KLK5: variants seen among roughly 807,000 people sequenced by gnomAD.
KLK5 encodes the protein kallikrein-5.
KLK5 carries 18 observed loss-of-function variants against 24.0 expected under a neutral mutation model. The observed-to-expected ratio is 0.75, with a 90% CI of 0.52 to 1.11. KLK5 has a LOEUF of 1.11. Ranked by LOEUF, KLK5 falls within the 50% of genes most tolerant of loss-of-function variation. The pLI is 0.00. For missense variants in KLK5, 374 were observed against 379.2 expected (o/e 0.99, Z 0.11); for synonymous variants, 140 against 154.0 (o/e 0.91, Z 0.67).
intron 3 of KLK5, 31 bp from the exon 4 acceptor site, chr19:50,949,146 C>A (rs757274792): frequency 2.5e-6 from 4 of 1,600,380 alleles, no homozygotes; most frequent in Non-Finnish European, 3.4e-6. Context: ...CACCACCAAC[C>A]CTGATCTCTA....
chr19:50,945,758 T>A (rs1470017513), intron 5 of KLK5, among the ~76,000 whole-genome samples: 1 of 144,918 alleles, frequency 6.9e-6, no homozygotes, highest in Non-Finnish European at 1.5e-5. Flanking sequence ...GCCATTGCAC[T>A]CCAGCCTGGG....
Position 50,943,792 on chromosome 19 carries a change from G to A in KLK5, c.727-6C>T. 1.2e-6 allele frequency: 2 copies of A among 1,608,208 alleles called. No homozygotes were observed. Among genetic ancestry groups the A allele is most frequent in the Non-Finnish European group, 1.7e-6 (2 of 1,175,744 alleles). ...ACAGGCCCCCCAGAATCACCCTGCA[G>A]GAGAGAAAGGGGGGCATGAGAGAGG... is the stretch of plus-strand genomic sequence containing the variant. On this transcript the variant is annotated splice_polypyrimidine_tract_variant and splice_region_variant and intron_variant, in intron 5 of 5. Transcript: ENST00000336334.
At chr19:50,952,190 A>C in intron 2 of KLK5, among the ~76,000 whole-genome samples, 1 of 48,298 alleles carries the variant, frequency 2.1e-5, no homozygotes, top group Non-Finnish European at 3.8e-5. Flanking sequence ...GGAACTGCAG[A>C]TACCTGCAGT....
intron 5 of KLK5, among the ~76,000 whole-genome samples, chr19:50,946,774 T>A (rs190152576): frequency 6.6e-6 from 1 of 152,074 alleles, no homozygotes; most frequent in South Asian, 2.1e-4. Flanking sequence ...TCAGCCAGGA[T>A]GGTCTCCATC....
In KLK5 at chr19:50,947,451, A is replaced by G. The variant is rs1204510989; in HGVS notation, c.726+1189T>C. Among the ~76,000 whole-genome samples the G allele has an allele frequency of 6.6e-6, 1 of 152,074 alleles. No individual in the cohort carries two copies. The highest frequency in any genetic ancestry group is 1.5e-5 in the Non-Finnish European group (1 of 68,022). The stretch of plus-strand genomic sequence containing the variant: ...CCACCTCTCCAAGGAGGCTCCCCTG[A>G]CCACCTTTTTGAATATTGGCCCTTA... On this transcript the variant is annotated intron_variant, in intron 5 of 5. Transcript: ENST00000336334. The surrounding 1 kb of genome is among the most constrained non-coding windows in gnomAD (Gnocchi z 8.7).
intron 5 of KLK5, among the ~76,000 whole-genome samples, chr19:50,944,800 G>C (rs1242217619): frequency 6.6e-6 from 1 of 152,138 alleles, no homozygotes; most frequent in Admixed American, 6.6e-5. Flanking sequence ...GTGTCTTCTA[G>C]GGGCAGAATC....
chr19:50,950,848 C>T (rs189392681), intron 2 of KLK5, among the ~76,000 whole-genome samples: 27 of 149,484 alleles, frequency 1.8e-4, no homozygotes, highest in African/African-American at 5.7e-4. Flanking sequence ...GCCGAGATCA[C>T]GCCACTGCAC....
Position 50,949,848 on chromosome 19 carries a change from C to T in KLK5, c.335+7G>A, listed in dbSNP as rs757720356. 6.5e-7 allele frequency: 1 copy of T among 1,534,418 alleles called. No individual in the cohort carries two copies. The highest frequency in any genetic ancestry group is 1.8e-5 in the Admixed American group (1 of 57,016). On this transcript the variant is annotated splice_region_variant and intron_variant, in intron 3 of 5. Coordinates refer to ENST00000336334, the MANE Select transcript of KLK5 (RefSeq NM_012427.5). ...CCACCAACCCTCCTCTTGGAACTCC[C>T]ACTCACTTCTTCCTGCAGTGGGCGG...
rs988282244 is a variant in KLK5 at position 50,949,089 on chromosome 19, T to A, written c.362A>T (p.Tyr121Phe). ...AGATTCATAAACTGGTGACAGGGAGTAGTGGCCGAGACGGACTCTGAAAAC... is the reference window on the plus strand; with the variant it reads ...AGATTCATAAACTGGTGACAGGGAGAAGTGGCCGAGACGGACTCTGAAAAC... The part of the protein sequence containing the change: ...KKVFRVRLGH[Y>F]SLSPVYESGQ... Residue 121 changes from tyrosine (Y) to phenylalanine (F), a missense_variant, in exon 4 of 6, where the codon TAC becomes TTC. Coordinates refer to ENST00000336334, the MANE Select transcript of KLK5 (RefSeq NM_012427.5). 1 of 1,612,162 alleles carries A rather than the reference T, an allele frequency of 6.2e-7. No individual in the cohort carries two copies. The highest frequency in any genetic ancestry group is 1.7e-5 in the Admixed American group (1 of 59,832).
At chr19:50,950,283 G>A in intron 2 of KLK5, 167 bp from the exon 3 acceptor site, 1 of 655,804 alleles carries the variant, frequency 1.5e-6, no homozygotes, top group South Asian at 1.9e-5. Context: ...CCAGGCTCAA[G>A]CTCAAGGACA....
chr19:50,944,171 T>C (rs1013421273), intron 5 of KLK5, among the ~76,000 whole-genome samples: 8 of 152,028 alleles, frequency 5.3e-5, no homozygotes, highest in Admixed American at 2.0e-4. Flanking sequence ...ACCCGGCTAA[T>C]TTTTTGTATT....
At chr19:50,948,267 G>A (rs969407947) in intron 5 of KLK5, among the ~76,000 whole-genome samples, 27 of 151,832 alleles carry the variant, frequency 1.8e-4, no homozygotes, top group South Asian at 4.2e-4. Flanking sequence ...GATTACAGGC[G>A]CCCGCCACCA....
intron 5 of KLK5, among the ~76,000 whole-genome samples, chr19:50,946,855 G>A (rs113505134): frequency 0.015 from 2,330 of 152,130 alleles, 56 homozygotes; most frequent in African/African-American, 0.053. Context: ...CACCACGCCC[G>A]GCCGAGATGT....
At chr19:50,948,217 G>A (rs780048160) in intron 5 of KLK5, among the ~76,000 whole-genome samples, 7 of 151,870 alleles carry the variant, frequency 4.6e-5, no homozygotes, top group African/African-American at 1.2e-4. Context: ...CACCTCCTGG[G>A]TTTAAGTGAT....
At position 50,943,526 on chromosome 19, in the gene KLK5, G is replaced by A; in HGVS notation, c.*105C>T. The A allele has an allele frequency of 9.0e-7, 1 of 1,116,014 alleles. No homozygotes were observed. Among genetic ancestry groups the A allele is most frequent in the Admixed American group, 1.9e-5 (1 of 53,350 alleles). The allele number at this position is 1,116,014 out of a possible 1,614,324, so 69.1% of individuals were successfully genotyped here. On this transcript the variant is annotated 3_prime_UTR_variant, in exon 6 of 6. Coordinates refer to ENST00000336334, the MANE Select transcript of KLK5 (RefSeq NM_012427.5). ...GAGACATGGGGTCAGGGGCTGGAGAGATGAACATTCTCAACATCTCTGGGA... is the reference window on the plus strand; with the variant it reads ...GAGACATGGGGTCAGGGGCTGGAGAAATGAACATTCTCAACATCTCTGGGA...
rs117413246 is a variant in KLK5, at chr19:50,948,736, G to A, written c.630C>T (p.Ser210=). 824 of 1,614,084 alleles carry A rather than the reference G, an allele frequency of 5.1e-4. No homozygotes were observed. Among genetic ancestry groups the A allele is most frequent in the Non-Finnish European group, 6.6e-4 (779 of 1,180,030 alleles). ...FPKVLQCLNI[S]VLSQKRCEDA... ...CCTCGCACCTTTTCTGACTTAGCAC[G>A]CTGATATTCAAGCACTGGAGGACCT... is the stretch of plus-strand genomic sequence containing the variant. The change falls in exon 5 of 6, where the codon AGC becomes AGT. Residue 210 remains serine (S), a synonymous_variant. Transcript: ENST00000336334.
chr19:50,943,344 A>G lies in KLK5; in HGVS notation c.*287T>C. On this transcript the variant is annotated 3_prime_UTR_variant, in exon 6 of 6. Coordinates refer to ENST00000336334, the MANE Select transcript of KLK5 (RefSeq NM_012427.5). ...ATTTCTGGGACTAAATTTGGGTCAG[A>G]GCTGCAGAGAAGGGATGGGCCCTGA... 1 of 290,492 alleles carries G rather than the reference A, an allele frequency of 3.4e-6. No individual in the cohort carries two copies. Among genetic ancestry groups the G allele is most frequent in the Non-Finnish European group, 6.4e-6 (1 of 155,572 alleles). 18.0% of individuals were successfully genotyped at this position (290,492 alleles called of 1,614,324 possible). A position where few individuals can be genotyped will look rare whatever the true frequency, so the allele number is the denominator to read the frequency against.
At chr19:50,952,434 T>C in intron 2 of KLK5, 151 bp downstream of exon 2, 1 of 507,134 alleles carries the variant, frequency 2.0e-6, no homozygotes, top group Non-Finnish European at 3.4e-6. Context: ...CCACATACGA[T>C]CGCACAACCA....
Position 50,943,509 on chromosome 19 carries a change from G to C in KLK5, c.*122C>G, listed in dbSNP as rs1358222124. 5.4e-6 allele frequency: 5 copies of C among 926,096 alleles called. No homozygotes were observed. The highest frequency in any genetic ancestry group is 8.4e-6 in the Non-Finnish European group (5 of 593,560). 57.4% of individuals were successfully genotyped at this position (926,096 alleles called of 1,614,324 possible). On this transcript the variant is annotated 3_prime_UTR_variant, in exon 6 of 6. Transcript: ENST00000336334. The stretch of plus-strand genomic sequence containing the variant: ...GCAGACCCTGAGTCCAGGAGACATG[G>C]GGTCAGGGGCTGGAGAGATGAACAT...
Sources: allele counts gnomAD v4.1 joint callset (sites outside exome capture counted in the v4.1 genomes callset), GRCh38; gene constraint gnomAD v4.1.1; non-coding constraint Gnocchi (gnomAD v3.1); transcripts MANE v1.5; gene names NCBI Gene and HGNC (gene_info 2026-07-23, HGNC 2026-07-21).